The following ZNF181 variants were observed in gnomAD, a reference collection of about 807,000 sequenced individuals.
ZNF181 encodes zinc finger protein 181.
Under a neutral mutation model 11.9 loss-of-function variants are expected in ZNF181, and 8 were observed. The ratio of observed to expected loss-of-function variants is 0.67; its 90% confidence interval spans 0.39 to 1.21. ZNF181 has a LOEUF of 1.21. Ranked by LOEUF, ZNF181 falls within the 50% of genes most tolerant of loss-of-function variation. ZNF181 has a pLI of 0.01. For synonymous variants in ZNF181, 202 were observed against 221.1 expected, an observed-to-expected ratio of 0.91 and a Z score of 0.77; for missense variants, 542 against 670.9, an observed-to-expected ratio of 0.81 and a Z score of 2.12.
chr19:34,741,300 T>C lies in ZNF181; in HGVS notation c.919T>C (p.Ser307Pro). The change falls in exon 4 of 4, where the codon TCA (serine) becomes CCA (proline). Residue 307 changes from serine to proline, a missense_variant. Ser to Pro is a moderately conservative substitution (Grantham distance 74). Coordinates refer to ENST00000492450, the MANE Select transcript of ZNF181 (RefSeq NM_001029997.4). ...ECGKAFSHVS[S>P]LTNHQSTHTG... The stretch of plus-strand genomic sequence containing the variant: ...TGGGAAGGCCTTTAGCCATGTCTCA[T>C]CACTTACTAACCATCAGAGCACTCA... The C allele has an allele frequency of 6.2e-7, 1 of 1,613,918 alleles. No individual in the cohort carries two copies. The highest frequency in any genetic ancestry group is 1.7e-5 in the Admixed American group (1 of 59,998).
Position 34,740,620 on chromosome 19 carries a change from C to A in ZNF181, c.239C>A (p.Ser80Ter). Residue 80 changes from serine to a stop codon, truncating the protein, a stop_gained, in exon 4 of 4, where the codon TCA (serine) becomes TAA (stop). Coordinates refer to ENST00000492450, the MANE Select transcript of ZNF181 (RefSeq NM_001029997.4). LOFTEE classifies it low-confidence loss of function (END_TRUNC). The stretch of plus-strand genomic sequence containing the variant: ...TTTTGATGTATTTCAGATTGGGAAT[C>A]AAGATGGGAAAACAAGGAATTATCA... ...LSKGMIPDWE[S>*]RWENKELSTK... is the part of the protein sequence containing the mutation. 6.4e-7 allele frequency: 1 copy of A among 1,553,216 alleles called. No individual in the cohort carries two copies.
At chr19:34,735,287 CTG>C (rs2145411823) in intron 1 of ZNF181, among the ~76,000 whole-genome samples, 1 of 152,326 alleles carries the variant, frequency 6.6e-6, no homozygotes, top group African/African-American at 2.4e-5. Flanking sequence ...CATTTTAAAA[CTG>C]TAATTCACAA....
chr19:34,737,860 A>G lies in ZNF181; in HGVS notation c.10-1288A>G, dbSNP rs2068909712. Among the ~76,000 whole-genome samples, 3 of 152,296 alleles carry G rather than the reference A, an allele frequency of 2.0e-5. No homozygotes were observed. In the South Asian group the frequency reaches 6.2e-4, roughly 32 times the overall value. ...ACAGTAGGGATTGCGCTCCTATGAG[A>G]GTCTAATGCCATAGCTGATCTGACA... On this transcript the variant is annotated intron_variant, in intron 1 of 3. Transcript: ENST00000492450.
rs368419417 is a variant in ZNF181 at position 34,741,485 on chromosome 19, G to C, written c.1104G>C (p.Gln368His). 57 of 1,613,600 alleles carry C rather than the reference G, an allele frequency of 3.5e-5. 2 individuals carry two copies. In the East Asian group the frequency reaches 8.0e-4, roughly 23 times the overall value. The change falls in exon 4 of 4, where the codon CAG becomes CAC. Residue 368 changes from glutamine (Q) to histidine (H), a missense_variant. Gln to His is a conservative substitution (Grantham distance 24, BLOSUM62 0). Transcript: ENST00000492450. Reference sequence around the variant, plus strand: ...ATAGGTCATCTCTCATTCACCATCAGAAAATCCATACTGGAGAGAAGCCTT... The same window carrying C: ...ATAGGTCATCTCTCATTCACCATCACAAAATCCATACTGGAGAGAAGCCTT... ...FIHRSSLIHH[Q>H]KIHTGEKPYE...
Position 34,734,958 on chromosome 19 carries a change from C to G in ZNF181, c.-80C>G, listed in dbSNP as rs2068866004. 2 of 1,470,846 alleles carry G rather than the reference C, an allele frequency of 1.4e-6. No homozygotes were observed. The highest frequency in any genetic ancestry group is 2.5e-5 in the South Asian group (2 of 79,798). The allele number at this position is 1,470,846 out of a possible 1,614,324, so 91.1% of individuals were successfully genotyped here. A position where few individuals can be genotyped will look rare whatever the true frequency, so the allele number is the denominator to read the frequency against. Reference sequence around the variant, plus strand: ...TTCATGACTGCTTTTTCCTGCCCTTCTGTGCCCTCAGGACACTGCCCATCT... The same window carrying G: ...TTCATGACTGCTTTTTCCTGCCCTTGTGTGCCCTCAGGACACTGCCCATCT... On this transcript the variant is annotated 5_prime_UTR_variant, in exon 1 of 4. Coordinates refer to ENST00000492450, the MANE Select transcript of ZNF181 (RefSeq NM_001029997.4).
rs1600148103 is a variant in ZNF181 at position 34,744,497 on chromosome 19, G to C, written c.*2400G>C. The C allele has an allele frequency of 6.6e-6, 1 of 151,528 alleles. No homozygotes were observed. Among genetic ancestry groups the C allele is most frequent in the Admixed American group, 6.6e-5 (1 of 15,190 alleles). The allele number at this position is 151,528 out of a possible 1,614,324, so 9.4% of individuals were successfully genotyped here. A position where few individuals can be genotyped will look rare whatever the true frequency, so the allele number is the denominator to read the frequency against. Reference sequence around the variant, plus strand: ...GCAATATAGCAAAACTCATTAGTCTGTTAAAAAAAAAAATTACCCAGGTGT... The same window carrying C: ...GCAATATAGCAAAACTCATTAGTCTCTTAAAAAAAAAAATTACCCAGGTGT... On this transcript the variant is annotated 3_prime_UTR_variant, in exon 4 of 4. Transcript: ENST00000492450.
In ZNF181 at chr19:34,742,119, T is replaced by G; in HGVS notation, c.*22T>G. ...ATGAAGCAGTGGTTATCATGGTAAA[T>G]TTCCTAGATTCTCCCTTATTTAACA... On this transcript the variant is annotated 3_prime_UTR_variant, in exon 4 of 4. Coordinates refer to ENST00000492450, the MANE Select transcript of ZNF181 (RefSeq NM_001029997.4). 1 of 1,515,202 alleles carries G rather than the reference T, an allele frequency of 6.6e-7. No individual in the cohort carries two copies. The highest frequency in any genetic ancestry group is 8.8e-7 in the Non-Finnish European group (1 of 1,134,358). 93.9% of individuals were successfully genotyped at this position (1,515,202 alleles called of 1,614,324 possible). A position where few individuals can be genotyped will look rare whatever the true frequency, so the allele number is the denominator to read the frequency against.
intron 3 of ZNF181, 103 bp from the exon 4 acceptor site, chr19:34,740,508 G>A: frequency 2.6e-6 from 3 of 1,149,370 alleles, no homozygotes; most frequent in South Asian, 3.1e-5. Context: ...TGTTTTCTGG[G>A]GGCTTCATTT....
chr19:34,736,111 T>A (rs1271203607), intron 1 of ZNF181: 1 of 702,870 alleles, frequency 1.4e-6, no homozygotes, highest in Non-Finnish European at 2.6e-6. Flanking sequence ...ACCAAATAGA[T>A]GCTTAGTAAG....
intron 1 of ZNF181, among the ~76,000 whole-genome samples, chr19:34,738,544 G>GT (rs2068920391): frequency 6.7e-6 from 1 of 149,274 alleles, no homozygotes. Flanking sequence ...TTTTTTTTTT[G>GT]TTTTTGTTTT....
Position 34,742,874 on chromosome 19 carries a change from T to G in ZNF181, c.*777T>G, listed in dbSNP as rs1402993397. 6.6e-6 allele frequency: 1 copy of G among 152,154 alleles called. No individual in the cohort carries two copies. Among genetic ancestry groups the G allele is most frequent in the Non-Finnish European group, 1.5e-5 (1 of 68,014 alleles). The allele number at this position is 152,154 out of a possible 1,614,324, so 9.4% of individuals were successfully genotyped here. A position where few individuals can be genotyped will look rare whatever the true frequency, so the allele number is the denominator to read the frequency against. ...TAAAATCATTTTGTATATCACAAAC[T>G]CTTTCACTGTGACTATTTCCTGTAA... On this transcript the variant is annotated 3_prime_UTR_variant, in exon 4 of 4. Coordinates refer to ENST00000492450, the MANE Select transcript of ZNF181 (RefSeq NM_001029997.4).
At chr19:34,739,758 G>T in intron 3 of ZNF181, 137 bp downstream of exon 3, 3 of 881,650 alleles carry the variant, frequency 3.4e-6, no homozygotes, top group South Asian at 2.0e-5. Context: ...AAAAATTGTG[G>T]GATATTTAGC....
chr19:34,735,081 C>CT, intron 1 of ZNF181, 35 bp downstream of exon 1: 1 of 1,562,250 alleles, frequency 6.4e-7, no homozygotes, highest in Non-Finnish European at 8.7e-7. Flanking sequence ...TCCTGAAACA[C>CT]TTTATCAGGA....
At chr19:34,740,168 C>T (rs528469924) in intron 3 of ZNF181, among the ~76,000 whole-genome samples, 1 of 152,296 alleles carries the variant, frequency 6.6e-6, no homozygotes, top group Non-Finnish European at 1.5e-5. Context: ...TGTGTTTTTA[C>T]TGCAACTGTT....
Position 34,740,846 on chromosome 19 carries a change from CAAAT to C in ZNF181, c.467_470del (p.Lys156ThrfsTer32). ...AAAGCCCCACTGCAGACAGTGTTTA[CAAAT>C]ACAATATATTTAGAAGCACCTTTCA... On this transcript the variant is annotated frameshift_variant, in exon 4 of 4. Transcript: ENST00000492450. LOFTEE classifies it low-confidence loss of function (END_TRUNC). 1.2e-6 allele frequency: 2 copies of C among 1,614,084 alleles called. No individual in the cohort carries two copies. The highest frequency in any genetic ancestry group is 2.2e-5 in the South Asian group (2 of 91,074).
At position 34,740,836 on chromosome 19, in the gene ZNF181, A is replaced by G. The variant is rs554640152; in HGVS notation, c.455A>G (p.Asp152Gly). Residue 152 changes from aspartate (D) to glycine (G), a missense_variant, in exon 4 of 4, where the codon GAC becomes GGC. Physicochemically the swap from Asp to Gly is moderately conservative, Grantham distance 94. Coordinates refer to ENST00000492450, the MANE Select transcript of ZNF181 (RefSeq NM_001029997.4). Reference sequence around the variant, plus strand: ...ACCTCTAGAGAAAGCCCCACTGCAGACAGTGTTTACAAATACAATATATTT... The same window carrying G: ...ACCTCTAGAGAAAGCCCCACTGCAGGCAGTGTTTACAAATACAATATATTT... ...ILTSRESPTADSVYKYNIFRS... is the reference protein window; with the variant it reads ...ILTSRESPTAGSVYKYNIFRS... The G allele has an allele frequency of 6.2e-7, 1 of 1,614,138 alleles. No individual in the cohort carries two copies. The highest frequency in any genetic ancestry group is 1.3e-5 in the African/African-American group (1 of 75,070).
intron 1 of ZNF181, among the ~76,000 whole-genome samples, 198 bp from the exon 2 acceptor site, chr19:34,738,950 A>C (rs548925873): frequency 6.6e-6 from 1 of 152,324 alleles, no homozygotes; most frequent in African/African-American, 2.4e-5. Flanking sequence ...TTCTAAGCAC[A>C]TAACTGTCCC....
intron 2 of ZNF181, 82 bp from the exon 3 acceptor site, chr19:34,739,441 C>T: frequency 6.3e-7 from 1 of 1,585,812 alleles, no homozygotes; most frequent in Non-Finnish European, 8.6e-7. Context: ...GAATACCCTT[C>T]ATCCCTTCCT....
rs780986468 is a variant in ZNF181 at position 34,735,062 on chromosome 19, C to T, written c.9+16C>T. On this transcript the variant is annotated intron_variant, in intron 1 of 3. Transcript: ENST00000492450. ...AATGCCTCAGGTAGGTCGGTGTGTCCGCAAATCTTCCTGAAACACTTTATC... is the reference window on the plus strand; with the variant it reads ...AATGCCTCAGGTAGGTCGGTGTGTCTGCAAATCTTCCTGAAACACTTTATC... 27 of 1,569,018 alleles carry T rather than the reference C, an allele frequency of 1.7e-5. No individual in the cohort carries two copies. In the South Asian group the frequency reaches 2.7e-4, roughly 16 times the overall value.
Sources: allele counts gnomAD v4.1 joint callset (sites outside exome capture counted in the v4.1 genomes callset), GRCh38; gene constraint gnomAD v4.1.1; transcripts MANE v1.5; gene names NCBI Gene and HGNC (gene_info 2026-07-23, HGNC 2026-07-21).